Variants in RBFOX1 observed in about 807,000 individuals in gnomAD.
RBFOX1 encodes the protein RNA binding protein fox-1 homolog 1.
In RBFOX1, 8 loss-of-function variants were observed where a neutral mutation model predicts 57.7. The ratio of observed to expected loss-of-function variants is 0.14; its 90% CI spans 0.08 to 0.25. RBFOX1 has a LOEUF of 0.25. RBFOX1 is among the 10% of genes least tolerant of loss of function. The pLI, the probability that RBFOX1 is intolerant of heterozygous loss-of-function variation, is 1.00. For missense variants in RBFOX1, 611 were observed against 548.5 expected (o/e 1.11, Z -1.14); for synonymous variants, 326 against 222.4 (o/e 1.47, Z -4.15).
intron 3 of RBFOX1, among the ~76,000 whole-genome samples, chr16:6,869,979 A>T (rs2060589687): frequency 1.3e-5 from 2 of 152,172 alleles, no homozygotes. Flanking sequence ...AAAATAAGGG[A>T]TCAAAGGTAA....
At chr16:5,366,727 C>T (rs1396555688) in intron 1 of RBFOX1, 2 of 357,940 alleles carry the variant, frequency 5.6e-6, no homozygotes, top group Admixed American at 3.5e-5. Context: ...AATTTTCCAT[C>T]TTATTTCATT....
At chr16:7,264,543 G>C (rs9940077) in intron 4 of RBFOX1, among the ~76,000 whole-genome samples, 81,619 of 151,774 alleles carry the variant, frequency 0.54, 22,472 homozygotes, top group African/African-American at 0.63. Context: ...CACAAGTATT[G>C]AAATCTGGTA....
At chr16:5,531,833 A>C in intron 2 of RBFOX1, among the ~76,000 whole-genome samples, 1 of 141,732 alleles carries the variant, frequency 7.1e-6, no homozygotes, top group Non-Finnish European at 1.5e-5. Context: ...ATGGAGTCTC[A>C]CTCTGTCACC....
chr16:5,871,724 T>A (rs1839376832), intron 4 of RBFOX1, among the ~76,000 whole-genome samples: 1 of 152,054 alleles, frequency 6.6e-6, no homozygotes. Flanking sequence ...AGAGGATGTT[T>A]GAGGAAAAAA....
intron 3 of RBFOX1, among the ~76,000 whole-genome samples, chr16:6,940,570 A>G (rs575133012): frequency 5.3e-5 from 8 of 152,152 alleles, no homozygotes; most frequent in African/African-American, 1.4e-4. Flanking sequence ...GAGAAGCAAA[A>G]AATTGGGTAT....
chr16:7,281,475 A>C (rs1257709386), intron 4 of RBFOX1, among the ~76,000 whole-genome samples: 1 of 152,108 alleles, frequency 6.6e-6, no homozygotes, highest in Non-Finnish European at 1.5e-5. Context: ...CTAACACTGT[A>C]TATCTCTCCC....
At chr16:7,416,782 T>G (rs1301953114) in intron 4 of RBFOX1, among the ~76,000 whole-genome samples, 1 of 152,126 alleles carries the variant, frequency 6.6e-6, no homozygotes, top group Non-Finnish European at 1.5e-5. Flanking sequence ...ATAATGACAA[T>G]GACGATAGTG....
intron 2 of RBFOX1, among the ~76,000 whole-genome samples, chr16:6,540,406 G>C (rs1452474154): frequency 6.6e-6 from 1 of 151,792 alleles, no homozygotes; most frequent in Non-Finnish European, 1.5e-5. Context: ...AAGGTCAGGA[G>C]ATCGAGACTA....
chr16:5,746,829 G>A (rs1330489940), intron 3 of RBFOX1, among the ~76,000 whole-genome samples: 1 of 152,172 alleles, frequency 6.6e-6, no homozygotes, highest in Non-Finnish European at 1.5e-5. Context: ...TCAACTTAAG[G>A]AGATTTTGGG....
intron 5 of RBFOX1, among the ~76,000 whole-genome samples, chr16:7,539,253 G>A (rs1389023282): frequency 6.6e-6 from 1 of 152,142 alleles, no homozygotes; most frequent in East Asian, 1.9e-4. Context: ...TGAGATCAGG[G>A]AAGCCTTCTC....
intron 4 of RBFOX1, among the ~76,000 whole-genome samples, chr16:7,181,625 C>A (rs751724043): frequency 6.6e-6 from 1 of 151,858 alleles, no homozygotes; most frequent in Non-Finnish European, 1.5e-5. Context: ...TGCAGTGGTG[C>A]GATCTTGGCT....
intron 4 of RBFOX1, among the ~76,000 whole-genome samples, chr16:7,203,035 C>G (rs1165896351): frequency 6.6e-6 from 1 of 152,168 alleles, no homozygotes; most frequent in Non-Finnish European, 1.5e-5. Flanking sequence ...ATCCGCCTGC[C>G]TCGGCCTCCC....
chr16:6,362,042 A>T (rs936586970), intron 2 of RBFOX1, among the ~76,000 whole-genome samples: 11 of 152,160 alleles, frequency 7.2e-5, no homozygotes, highest in Non-Finnish European at 1.6e-4. Flanking sequence ...TAGTGTCCTG[A>T]AGCAAATCCT....
intron 3 of RBFOX1, among the ~76,000 whole-genome samples, chr16:5,775,083 C>T (rs2054102980): frequency 6.6e-6 from 1 of 152,158 alleles, no homozygotes; most frequent in African/African-American, 2.4e-5. Context: ...CTTATAAAGT[C>T]ACAGTGAATA....
At chr16:6,444,155 G>A (rs989237939) in intron 2 of RBFOX1, among the ~76,000 whole-genome samples, 4 of 152,114 alleles carry the variant, frequency 2.6e-5, no homozygotes, top group African/African-American at 9.7e-5. Context: ...CACGGTTGAA[G>A]TCAGGTGTGT....
chr16:6,314,199 C>T (rs1033306894), intron 1 of RBFOX1, among the ~76,000 whole-genome samples: 2 of 152,112 alleles, frequency 1.3e-5, no homozygotes, highest in Non-Finnish European at 2.9e-5. Context: ...GTGCTGTAAC[C>T]CTCTGGGGCA....
intron 11 of RBFOX1, among the ~76,000 whole-genome samples, chr16:7,636,579 C>T (rs143569228): frequency 6.6e-6 from 1 of 152,278 alleles, no homozygotes. Context: ...CTTTTCTGAT[C>T]ATTTTAGACG....
chr16:5,687,868 C>A (rs563644020), intron 3 of RBFOX1, among the ~76,000 whole-genome samples: 13 of 152,136 alleles, frequency 8.5e-5, no homozygotes, highest in African/African-American at 2.9e-4. Context: ...TGGTTGGCAT[C>A]CCCTGTGTAC....
intron 1 of RBFOX1, among the ~76,000 whole-genome samples, chr16:5,404,476 G>A (rs1341945699): frequency 1.3e-5 from 2 of 152,134 alleles, no homozygotes; most frequent in African/African-American, 4.8e-5. Context: ...TGATCTCTGT[G>A]GACTGCACTT....
Sources: allele counts gnomAD v4.1 joint callset (sites outside exome capture counted in the v4.1 genomes callset), GRCh38; gene constraint gnomAD v4.1.1; transcripts MANE v1.5; gene names NCBI Gene and HGNC (gene_info 2026-07-23, HGNC 2026-07-21).